Variants in PKD2 observed in about 807,000 individuals in gnomAD.
PKD2 encodes the protein polycystin 2, transient receptor potential cation channel.
A neutral mutation model predicts 105.9 loss-of-function variants in PKD2; 48 were observed. The observed-to-expected ratio is 0.45, with a 90% CI of 0.36 to 0.58. PKD2 has a LOEUF of 0.58. Ranked by LOEUF, PKD2 falls within the 20% of genes least tolerant of loss-of-function variation. The pLI is 0.00. For missense variants in PKD2, 1,078 were observed against 1,255.3 expected (o/e 0.86, Z 2.13); for synonymous variants, 464 against 481.1 (o/e 0.96, Z 0.46).
chr4:88,031,584 T>C (rs1727154530), intron 2 of PKD2, among the ~76,000 whole-genome samples: 1 of 152,178 alleles, frequency 6.6e-6, no homozygotes, highest in African/African-American at 2.4e-5. Context: ...GCAGCTCTGA[T>C]TTCTTCTTTG....
chr4:88,025,991 C>G (rs986836125), intron 2 of PKD2, among the ~76,000 whole-genome samples: 1 of 152,198 alleles, frequency 6.6e-6, no homozygotes, highest in Non-Finnish European at 1.5e-5. Flanking sequence ...TTATAAATTA[C>G]CGAGTCTCAG....
intron 2 of PKD2, among the ~76,000 whole-genome samples, chr4:88,033,193 G>A (rs936345160): frequency 3.9e-5 from 6 of 152,108 alleles, no homozygotes; most frequent in Non-Finnish European, 7.4e-5. Context: ...TTGGGAGGCC[G>A]AGCAGGGAGG....
At chr4:88,028,623 C>T (rs1386649846) in intron 2 of PKD2, among the ~76,000 whole-genome samples, 1 of 152,232 alleles carries the variant, frequency 6.6e-6, no homozygotes, top group African/African-American at 2.4e-5. Context: ...ATGCTGGCAA[C>T]ACAGTACACT....
rs1721259689 is a variant in PKD2 at position 88,076,986 on chromosome 4, G to C, written c.*1292G>C. On this transcript the variant is annotated 3_prime_UTR_variant, in exon 15 of 15. Coordinates refer to ENST00000237596, the MANE Select transcript of PKD2 (RefSeq NM_000297.4). Reference sequence around the variant, plus strand: ...AGCCAAAATTTGAGTTAGCAACACTGTTTTCTTTACGAGAGGGTCTCACCC... The same window carrying C: ...AGCCAAAATTTGAGTTAGCAACACTCTTTTCTTTACGAGAGGGTCTCACCC... The C allele has an allele frequency of 6.6e-6, 1 of 151,872 alleles. No homozygotes were observed. The highest frequency in any genetic ancestry group is 1.5e-5 in the Non-Finnish European group (1 of 68,006). 9.4% of individuals were successfully genotyped at this position (151,872 alleles called of 1,614,324 possible). A position where few individuals can be genotyped will look rare whatever the true frequency, so the allele number is the denominator to read the frequency against.
At chr4:88,034,170 TAGGTTATAAGATGAC>T (rs1242656197) in intron 2 of PKD2, among the ~76,000 whole-genome samples, 1 of 152,144 alleles carries the variant, frequency 6.6e-6, no homozygotes, top group Non-Finnish European at 1.5e-5. Flanking sequence ...CTAATTACAT[TAGGTTATAAGATGAC>T]AGGTGAGGGA....
Position 88,038,816 on chromosome 4 carries a change from G to C in PKD2, c.1094+315G>C, listed in dbSNP as rs2725218. ...TGCCCTGGGCCCTGTTTTTACAGGT[G>C]CAGTAACATCATCCACTAAGTTATT... On this transcript the variant is annotated intron_variant, in intron 4 of 14. Coordinates refer to ENST00000237596, the MANE Select transcript of PKD2 (RefSeq NM_000297.4). Among the ~76,000 whole-genome samples the C allele has an allele frequency of 0.45, 67,981 of 151,970 alleles. 15,324 individuals are homozygous for C. The highest frequency in any genetic ancestry group is 0.48 in the Non-Finnish European group (32,458 of 67,928).
intron 13 of PKD2, among the ~76,000 whole-genome samples, chr4:88,068,336 G>A (rs1171804357): frequency 6.6e-6 from 1 of 152,054 alleles, no homozygotes; most frequent in South Asian, 2.1e-4. Flanking sequence ...TGGGCATGGT[G>A]GTGGGCACCT....
chr4:88,013,104 T>C (rs1726442413), intron 1 of PKD2, among the ~76,000 whole-genome samples: 1 of 152,230 alleles, frequency 6.6e-6, no homozygotes, highest in South Asian at 2.1e-4. Context: ...ATCTGAACTT[T>C]ACTCCATCAC....
chr4:88,060,947 T>G (rs1031716240), intron 9 of PKD2, among the ~76,000 whole-genome samples: 7 of 152,212 alleles, frequency 4.6e-5, no homozygotes, highest in African/African-American at 1.7e-4. Context: ...AATAATTCTT[T>G]AAAATTAGAC....
At chr4:88,069,599 T>C (rs958768633) in intron 13 of PKD2, among the ~76,000 whole-genome samples, 5 of 152,074 alleles carry the variant, frequency 3.3e-5, no homozygotes, top group African/African-American at 1.2e-4. Context: ...TATCTATATG[T>C]ATATATAGTC....
At chr4:88,022,216 A>G (rs552108381) in intron 2 of PKD2, among the ~76,000 whole-genome samples, 1 of 152,280 alleles carries the variant, frequency 6.6e-6, no homozygotes, top group East Asian at 1.9e-4. Context: ...TCTTGTTAGG[A>G]TCTGCCCATT....
At chr4:88,071,981 T>TA (rs1721054358) in intron 13 of PKD2, among the ~76,000 whole-genome samples, 1 of 141,248 alleles carries the variant, frequency 7.1e-6, no homozygotes, top group African/African-American at 2.7e-5. Context: ...CAGTCTTTTT[T>TA]TTTTTTTTTT....
At chr4:88,059,509 G>T (rs1389571726) in intron 9 of PKD2, among the ~76,000 whole-genome samples, 1 of 152,118 alleles carries the variant, frequency 6.6e-6, no homozygotes, top group East Asian at 1.9e-4. Flanking sequence ...AGGATGGATA[G>T]AGTCGTGGCA....
At chr4:88,031,606 AT>A (rs35330768) in intron 2 of PKD2, among the ~76,000 whole-genome samples, 2 of 152,176 alleles carry the variant, frequency 1.3e-5, no homozygotes, top group Admixed American at 6.5e-5. Context: ...CCCAAGGGTT[AT>A]TAAGAGAGGG....
At chr4:88,062,370 C>T (rs556335432) in intron 10 of PKD2, among the ~76,000 whole-genome samples, 9 of 152,262 alleles carry the variant, frequency 5.9e-5, no homozygotes, top group Admixed American at 5.9e-4. Flanking sequence ...AAGGGATTTC[C>T]ACCTCTTCTG....
intron 6 of PKD2, among the ~76,000 whole-genome samples, chr4:88,051,332 T>A (rs977944438): frequency 6.6e-6 from 1 of 152,200 alleles, no homozygotes. Context: ...ATATCTTTTG[T>A]CCCTCTTGAC....
intron 1 of PKD2, among the ~76,000 whole-genome samples, chr4:88,018,025 T>C (rs541332041): frequency 3.9e-5 from 6 of 152,228 alleles, no homozygotes; most frequent in Non-Finnish European, 8.8e-5. Flanking sequence ...TAATTTTCCA[T>C]GTCATCTAAA....
chr4:88,036,441 A>C, intron 3 of PKD2, 88 bp downstream of exon 3: 1 of 1,592,364 alleles, frequency 6.3e-7, no homozygotes, highest in East Asian at 2.2e-5. Flanking sequence ...TATCGACAGG[A>C]CCTGCTTTGC....
At chr4:88,016,167 T>TG (rs1726552720) in intron 1 of PKD2, among the ~76,000 whole-genome samples, 1 of 152,312 alleles carries the variant, frequency 6.6e-6, no homozygotes, top group Non-Finnish European at 1.5e-5. Flanking sequence ...CCTCCTGCTG[T>TG]GGGGCCCGGT....
Sources: gnomAD v4.1 joint callset for allele counts (sites outside exome capture counted in the v4.1 genomes callset) on GRCh38, gnomAD v4.1.1 for gene constraint, MANE v1.5 for transcripts, NCBI Gene and HGNC (gene_info 2026-07-23, HGNC 2026-07-21) for gene names.